The following CRYL1 variants were observed in gnomAD, a reference collection of about 807,000 sequenced individuals.
CRYL1 encodes the protein crystallin lambda 1.
Under a neutral mutation model 36.6 loss-of-function variants are expected in CRYL1, and 29 were observed. The ratio of observed to expected loss-of-function variants is 0.79; its 90% confidence interval spans 0.59 to 1.08. The LOEUF (loss-of-function observed/expected upper bound fraction) is 1.08, where lower values mean the gene tolerates loss of function less well. CRYL1 is among the 50% of genes least tolerant of loss of function. CRYL1 has a pLI of 0.00. For missense variants in CRYL1, 411 were observed against 407.9 expected, an observed-to-expected ratio of 1.01 and a Z score of -0.06; for synonymous variants, 152 against 151.5, an observed-to-expected ratio of 1.00 and a Z score of -0.02.
chr13:20,433,390 C>T (rs2032119653), intron 4 of CRYL1, among the ~76,000 whole-genome samples: 1 of 152,228 alleles, frequency 6.6e-6, no homozygotes, highest in East Asian at 1.9e-4. Flanking sequence ...TGATGCTTTT[C>T]AATGGGTTTT....
intron 2 of CRYL1, among the ~76,000 whole-genome samples, chr13:20,504,900 T>C (rs1420330059): frequency 1.3e-5 from 2 of 152,190 alleles, no homozygotes; most frequent in Admixed American, 6.5e-5. Flanking sequence ...TTAAATCAAC[T>C]TCCCCCCGTT....
At chr13:20,440,649 C>T (rs2032330343) in intron 3 of CRYL1, among the ~76,000 whole-genome samples, 1 of 152,284 alleles carries the variant, frequency 6.6e-6, no homozygotes, top group Non-Finnish European at 1.5e-5. Flanking sequence ...CTGCTTTGAC[C>T]ATCAGATCAA....
At chr13:20,514,347 C>T (rs192029210) in intron 1 of CRYL1, among the ~76,000 whole-genome samples, 259 of 152,304 alleles carry the variant, frequency 1.7e-3, no homozygotes, top group Middle Eastern at 3.4e-3. Flanking sequence ...TGCTTTATCC[C>T]TGTGGTCTTC....
chr13:20,494,730 C>A (rs1298034568), intron 2 of CRYL1, among the ~76,000 whole-genome samples: 1 of 152,162 alleles, frequency 6.6e-6, no homozygotes, highest in Non-Finnish European at 1.5e-5. Flanking sequence ...TTCCTCGATC[C>A]TCCAGGGACC....
At chr13:20,444,157 A>G (rs766433693) in intron 3 of CRYL1, among the ~76,000 whole-genome samples, 2 of 152,256 alleles carry the variant, frequency 1.3e-5, no homozygotes, top group Non-Finnish European at 2.9e-5. Context: ...GCTCTAGAAT[A>G]AATAATGTGT....
chr13:20,521,613 C>T (rs548054759), intron 1 of CRYL1, among the ~76,000 whole-genome samples: 19 of 152,072 alleles, frequency 1.2e-4, no homozygotes, highest in African/African-American at 3.6e-4. Context: ...GTGACTATTG[C>T]GACATGTCTT....
intron 4 of CRYL1, among the ~76,000 whole-genome samples, chr13:20,437,117 G>A (rs558603455): frequency 1.3e-5 from 2 of 151,928 alleles, no homozygotes; most frequent in Non-Finnish European, 2.9e-5. Context: ...AGCTTTGATG[G>A]CACCACTGCT....
rs540817636 is a variant in CRYL1 at position 20,477,249 on chromosome 13, G to A, written c.276+12121C>T. Among the ~76,000 whole-genome samples, 252 of 152,262 alleles carry A rather than the reference G, an allele frequency of 1.7e-3. 1 individual carries two copies. The highest frequency in any genetic ancestry group is 3.3e-3 in the Non-Finnish European group (224 of 68,004). On this transcript the variant is annotated intron_variant, in intron 3 of 7. Coordinates refer to ENST00000298248, the MANE Select transcript of CRYL1 (RefSeq NM_015974.3). ...AGACTGAGGTGGGAGGATCGCTTGA[G>A]CCCAGGAGTTCAAGACGTCAGTGAG... is the stretch of plus-strand genomic sequence containing the variant.
intron 3 of CRYL1, among the ~76,000 whole-genome samples, chr13:20,465,344 A>G (rs1276360726): frequency 6.6e-6 from 1 of 152,190 alleles, no homozygotes; most frequent in Non-Finnish European, 1.5e-5. Flanking sequence ...AAGTCACTTG[A>G]CCACTATGAT....
chr13:20,409,085 C>T (rs919933696), intron 6 of CRYL1, among the ~76,000 whole-genome samples: 2 of 152,124 alleles, frequency 1.3e-5, no homozygotes, highest in African/African-American at 4.8e-5. Flanking sequence ...CATCACACTA[C>T]CTGACTTCAA....
intron 3 of CRYL1, among the ~76,000 whole-genome samples, chr13:20,450,121 G>A (rs2137416249): frequency 6.6e-6 from 1 of 152,144 alleles, no homozygotes; most frequent in African/African-American, 2.4e-5. Context: ...CCAAAATCGA[G>A]CCTGAACAAA....
At chr13:20,467,746 G>A (rs1335128578) in intron 3 of CRYL1, among the ~76,000 whole-genome samples, 1 of 152,148 alleles carries the variant, frequency 6.6e-6, no homozygotes, top group African/African-American at 2.4e-5. Flanking sequence ...GCTTGAACCC[G>A]GGAGGCAGAG....
intron 5 of CRYL1, chr13:20,431,035 C>A (rs1593438893): frequency 1.0e-6 from 1 of 985,294 alleles, no homozygotes; most frequent in Non-Finnish European, 1.2e-6. Context: ...ATCGAGGCAA[C>A]CGCGTGGCAA....
In CRYL1 at chr13:20,508,714, T is replaced by C. The variant is rs543695727; in HGVS notation, c.149+3729A>G. On this transcript the variant is annotated intron_variant, in intron 2 of 7. Coordinates refer to ENST00000298248, the MANE Select transcript of CRYL1 (RefSeq NM_015974.3). ...ACAAAAAAAAATTAGCCGGGCGTGG[T>C]GGCGGGCGCCTGTAGTCCCAGCTAC... is the stretch of plus-strand genomic sequence containing the variant. 2.8e-3 allele frequency among the ~76,000 whole-genome samples: 418 copies of C among 151,554 alleles called. 4 individuals carry two copies. The highest frequency in any genetic ancestry group is 9.8e-3 in the African/African-American group (406 of 41,296).
chr13:20,525,692 G>T lies in CRYL1; in HGVS notation c.41+62C>A. 1 of 1,292,412 alleles carries T rather than the reference G, an allele frequency of 7.7e-7. No individual in the cohort carries two copies. The highest frequency in any genetic ancestry group is 9.9e-7 in the Non-Finnish European group (1 of 1,008,914). The allele number at this position is 1,292,412 out of a possible 1,614,324, so 80.1% of individuals were successfully genotyped here. On this transcript the variant is annotated intron_variant, in intron 1 of 7. Transcript: ENST00000298248. This position sits in a 1 kb window ranked among gnomAD's most constrained non-coding sequence, Gnocchi z 4.3. ...CCCACCCCGAGGGCCCCACGCGAGG[G>T]CACCACGTCCCCGGCGTCTCCCCGG...
At chr13:20,476,097 CT>C (rs923776187) in intron 3 of CRYL1, among the ~76,000 whole-genome samples, 23 of 152,304 alleles carry the variant, frequency 1.5e-4, no homozygotes, top group African/African-American at 5.1e-4. Flanking sequence ...GCAGCCTCCT[CT>C]GCCAAAACAA....
intron 2 of CRYL1, among the ~76,000 whole-genome samples, chr13:20,507,667 C>T (rs779957943): frequency 3.9e-5 from 6 of 152,200 alleles, no homozygotes; most frequent in African/African-American, 4.8e-5. Context: ...ACCTGTAATC[C>T]CAGCACTTTG....
chr13:20,505,359 C>CAAAAAAAAAAA (rs61380702), intron 2 of CRYL1, among the ~76,000 whole-genome samples: 21 of 91,220 alleles, frequency 2.3e-4, no homozygotes, highest in East Asian at 3.7e-4. Context: ...TCTATCCCAC[C>CAAAAAAAAAAA]AAAAAAAAAA....
At chr13:20,413,669 AGT>A (rs2031581279) in intron 5 of CRYL1, among the ~76,000 whole-genome samples, 1 of 152,224 alleles carries the variant, frequency 6.6e-6, no homozygotes, top group Non-Finnish European at 1.5e-5. Flanking sequence ...CTAGCCTGAA[AGT>A]AATTTTATAT....
Sources: gnomAD v4.1 joint callset for allele counts (sites outside exome capture counted in the v4.1 genomes callset) on GRCh38, gnomAD v4.1.1 for gene constraint, Gnocchi (gnomAD v3.1) non-coding constraint, MANE v1.5 for transcripts, NCBI Gene and HGNC (gene_info 2026-07-23, HGNC 2026-07-21) for gene names.